MYO1E: variants seen among roughly 807,000 people sequenced by gnomAD.
MYO1E encodes myosin IE, also known as unconventional myosin-Ie.
Under a neutral mutation model 151.1 loss-of-function variants are expected in MYO1E, and 68 were observed. The ratio of observed to expected loss-of-function variants is 0.45; its 90% CI spans 0.37 to 0.55. The LOEUF is 0.55. Ranked by LOEUF, MYO1E falls within the 20% of genes least tolerant of loss-of-function variation. MYO1E has a pLI of 0.00. For missense variants in MYO1E, 1,363 were observed against 1,389.3 expected, an observed-to-expected ratio of 0.98 and a Z score of 0.30; for synonymous variants, 601 against 501.7, an observed-to-expected ratio of 1.20 and a Z score of -2.64.
In MYO1E at chr15:59,178,384, A is replaced by G; in HGVS notation, c.2049+9T>C. On this transcript the variant is annotated intron_variant, in intron 19 of 27. Transcript: ENST00000288235. Reference sequence around the variant, plus strand: ...AGGGAAGAGAGTGGAGAGCCAGCCAAGCACTCACAGACTCGGGGGCTTTGA... The same window carrying G: ...AGGGAAGAGAGTGGAGAGCCAGCCAGGCACTCACAGACTCGGGGGCTTTGA... 6.2e-7 allele frequency: 1 copy of G among 1,614,134 alleles called. No individual in the cohort carries two copies. The highest frequency in any genetic ancestry group is 8.5e-7 in the Non-Finnish European group (1 of 1,179,960).
intron 1 of MYO1E, among the ~76,000 whole-genome samples, chr15:59,362,973 T>C (rs1311029454): frequency 2.2e-5 from 2 of 91,516 alleles, no homozygotes; most frequent in African/African-American, 6.4e-5. Context: ...CTAGTATGAC[T>C]TTCTTTTTTT....
rs370209627 is a variant in MYO1E, at chr15:59,163,315, T to C, written c.2481-12A>G. The C allele has an allele frequency of 6.2e-6, 10 of 1,612,432 alleles. No individual in the cohort carries two copies. The highest frequency in any genetic ancestry group is 7.6e-6 in the Non-Finnish European group (9 of 1,179,088). ...CATCCTGCATAGTACTGTAAAGAGA[T>C]TGGACAAACACACTTGGTGAAAGCT... On this transcript the variant is annotated splice_polypyrimidine_tract_variant and intron_variant, in intron 22 of 27. Transcript: ENST00000288235.
intron 11 of MYO1E, 90 bp downstream of exon 11, chr15:59,214,546 GTTTT>G: frequency 8.0e-7 from 1 of 1,256,982 alleles, no homozygotes; most frequent in South Asian, 1.2e-5. Context: ...TTTGTTTTCT[GTTTT>G]TTTGTTTTTG....
In MYO1E at chr15:59,207,557, G is replaced by A. The variant is rs151212931; in HGVS notation, c.1530+1124C>T. 1.3e-5 allele frequency: 21 copies of A among 1,613,914 alleles called. No individual in the cohort carries two copies. In the African/African-American group the frequency reaches 1.6e-4, roughly 12 times the overall value. On this transcript the variant is annotated intron_variant, in intron 14 of 27. Coordinates refer to ENST00000288235, the MANE Select transcript of MYO1E (RefSeq NM_004998.4). The stretch of plus-strand genomic sequence containing the variant: ...AAGTTGAGTGCATTTCCCAAAAACC[G>A]TATTATTGGAAGCGGCTGTAATCTG...
chr15:59,198,774 G>A (rs1444678309), intron 16 of MYO1E, among the ~76,000 whole-genome samples: 3 of 151,246 alleles, frequency 2.0e-5, no homozygotes, highest in East Asian at 3.9e-4. Flanking sequence ...AGCCAAGATC[G>A]CATCACTGCC....
chr15:59,191,761 G>A (rs1372824906), intron 17 of MYO1E, among the ~76,000 whole-genome samples: 4 of 152,270 alleles, frequency 2.6e-5, no homozygotes, highest in Admixed American at 6.5e-5. Flanking sequence ...GTTGATTTTT[G>A]CATATTCCTG....
chr15:59,137,204 T>C lies in MYO1E; in HGVS notation c.*176A>G. 2 of 656,156 alleles carry C rather than the reference T, an allele frequency of 3.0e-6. No individual in the cohort carries two copies. Among genetic ancestry groups the C allele is most frequent in the Admixed American group, 4.5e-5 (2 of 44,884 alleles). 40.6% of individuals were successfully genotyped at this position (656,156 alleles called of 1,614,324 possible). A position where few individuals can be genotyped will look rare whatever the true frequency, so the allele number is the denominator to read the frequency against. ...CCTTTTAGGATCACTTATGGAGTGA[T>C]ACTCCCTGTCCCCAACCCAGCCTTT... On this transcript the variant is annotated 3_prime_UTR_variant, in exon 28 of 28. Coordinates refer to ENST00000288235, the MANE Select transcript of MYO1E (RefSeq NM_004998.4).
rs1163159254 is a variant in MYO1E, at chr15:59,256,397, A to G, written c.238-19T>C. On this transcript the variant is annotated intron_variant, in intron 3 of 27. Coordinates refer to ENST00000288235, the MANE Select transcript of MYO1E (RefSeq NM_004998.4). ...ACTGTGCCTAGAAAAGCAAAAAATA[A>G]TAATACATAAATAATAATAAAAATT... 4 of 1,380,672 alleles carry G rather than the reference A, an allele frequency of 2.9e-6. No individual in the cohort carries two copies. Among genetic ancestry groups the G allele is most frequent in the Middle Eastern group, 1.8e-4 (1 of 5,546 alleles). The allele number at this position is 1,380,672 out of a possible 1,614,324, so 85.5% of individuals were successfully genotyped here. A position where few individuals can be genotyped will look rare whatever the true frequency, so the allele number is the denominator to read the frequency against.
At chr15:59,328,073 G>T (rs1426823494) in intron 1 of MYO1E, among the ~76,000 whole-genome samples, 3 of 152,214 alleles carry the variant, frequency 2.0e-5, no homozygotes, top group African/African-American at 7.2e-5. Context: ...AAAACACAAA[G>T]CTCCATGGTG....
chr15:59,365,109 T>G (rs1408380267), intron 1 of MYO1E, among the ~76,000 whole-genome samples: 1 of 146,400 alleles, frequency 6.8e-6, no homozygotes, highest in Middle Eastern at 3.5e-3. Context: ...AACCTCGGCC[T>G]CCCAGGTTCA....
chr15:59,244,908 G>A (rs1256776396), intron 4 of MYO1E, among the ~76,000 whole-genome samples: 2 of 152,214 alleles, frequency 1.3e-5, no homozygotes, highest in Non-Finnish European at 2.9e-5. Flanking sequence ...AGCACTCCTT[G>A]GCTGATGATA....
At chr15:59,208,311 C>G in intron 14 of MYO1E, 1 of 566,724 alleles carries the variant, frequency 1.8e-6, no homozygotes, top group Non-Finnish European at 3.1e-6. Flanking sequence ...TGTAGCAGCA[C>G]TTGCCATGTT....
chr15:59,310,356 T>C (rs1258371447), intron 1 of MYO1E, among the ~76,000 whole-genome samples: 2 of 152,164 alleles, frequency 1.3e-5, no homozygotes, highest in Non-Finnish European at 2.9e-5. Flanking sequence ...GTGACCTAAT[T>C]TGGAAATAGT....
Position 59,256,412 on chromosome 15 carries a change from T to C in MYO1E, c.238-34A>G, listed in dbSNP as rs752710348. The C allele has an allele frequency of 1.7e-5, 21 of 1,231,570 alleles. 2 individuals are homozygous for C. The East Asian group carries it at 5.6e-4, about 33-fold the overall frequency. The allele number at this position is 1,231,570 out of a possible 1,614,324, so 76.3% of individuals were successfully genotyped here. The stretch of plus-strand genomic sequence containing the variant: ...GCAAAAAATAATAATACATAAATAA[T>C]AATAAAAATTTAAAAATAAAAACAA... On this transcript the variant is annotated intron_variant, in intron 3 of 27. Coordinates refer to ENST00000288235, the MANE Select transcript of MYO1E (RefSeq NM_004998.4).
chr15:59,141,402 C>T (rs544391875), intron 26 of MYO1E, among the ~76,000 whole-genome samples: 5 of 152,304 alleles, frequency 3.3e-5, no homozygotes, highest in South Asian at 2.1e-4. Flanking sequence ...TACGTTAAAT[C>T]ACCTCTAGAT....
intron 1 of MYO1E, among the ~76,000 whole-genome samples, chr15:59,341,672 A>G (rs1256421442): frequency 6.6e-6 from 1 of 152,164 alleles, no homozygotes; most frequent in Admixed American, 6.5e-5. Flanking sequence ...CAAATGACAA[A>G]TGACAGGGTT....
Position 59,173,790 on chromosome 15 carries a change from T to C in MYO1E, c.2290A>G (p.Ile764Val). The C allele has an allele frequency of 6.2e-7, 1 of 1,614,092 alleles. No homozygotes were observed. The highest frequency in any genetic ancestry group is 1.1e-5 in the South Asian group (1 of 91,076). The change falls in exon 21 of 28, where the codon ATT becomes GTT. Residue 764 changes from isoleucine (I) to valine (V), a missense_variant. Transcript: ENST00000288235. Reference sequence around the variant, plus strand: ...TTGGTGACTGTGTCTGCGAAATCAATCTTCTCCCTCTTGCCCACGAACTGC... The same window carrying C: ...TTGGTGACTGTGTCTGCGAAATCAACCTTCTCCCTCTTGCCCACGAACTGC... ...LQQFVGKREK[I>V]DFADTVTKYD...
chr15:59,364,943 G>T (rs2080904848), intron 1 of MYO1E, among the ~76,000 whole-genome samples: 1 of 151,986 alleles, frequency 6.6e-6, no homozygotes, highest in Non-Finnish European at 1.5e-5. Flanking sequence ...CAATGCATTT[G>T]AACAGACTGA....
chr15:59,280,622 C>CA (rs35913240), intron 1 of MYO1E, among the ~76,000 whole-genome samples: 11,206 of 76,900 alleles, frequency 0.15, 758 homozygotes, highest in African/African-American at 0.27. Flanking sequence ...AAGTCCATCT[C>CA]AAAAAAAAAA....
Sources: allele counts gnomAD v4.1 joint callset (sites outside exome capture counted in the v4.1 genomes callset), GRCh38; gene constraint gnomAD v4.1.1; transcripts MANE v1.5; gene names NCBI Gene and HGNC (gene_info 2026-07-23, HGNC 2026-07-21).